Variants in TAF1A observed in about 807,000 individuals in gnomAD.
The protein encoded by TAF1A is TATA-box binding protein associated factor, RNA polymerase I subunit A, also known as TATA box-binding protein-associated factor RNA polymerase I subunit A.
A neutral mutation model predicts 61.6 loss-of-function variants in TAF1A; 42 were observed. The observed-to-expected ratio is 0.68, with a 90% CI of 0.53 to 0.88. The LOEUF is 0.88. Ranked by LOEUF, TAF1A falls within the 40% of genes least tolerant of loss-of-function variation. The probability of loss-of-function intolerance (pLI) is 0.00; values close to 1 mark genes in which losing one functional copy is unlikely to be tolerated. For missense variants in TAF1A, 424 were observed against 518.7 expected (o/e 0.82, Z 1.77); for synonymous variants, 179 against 177.7 (o/e 1.01, Z -0.06).
At chr1:222,563,918 A>G (rs1264029845) in intron 8 of TAF1A, 141 bp downstream of exon 8, 2 of 616,336 alleles carry the variant, frequency 3.2e-6, no homozygotes, top group East Asian at 6.2e-5. Flanking sequence ...GCCGCAGACA[A>G]TACAGAAACA....
At chr1:222,571,491 C>A (rs79922876) in intron 5 of TAF1A, among the ~76,000 whole-genome samples, 6 of 151,824 alleles carry the variant, frequency 4.0e-5, no homozygotes, top group Non-Finnish European at 2.9e-5. Context: ...TCCTAAGAAC[C>A]CACTAAAAAT....
intron 4 of TAF1A, among the ~76,000 whole-genome samples, 155 bp from the exon 5 acceptor site, chr1:222,577,798 GAAGT>G (rs2102667264): frequency 6.6e-6 from 1 of 152,266 alleles, no homozygotes; most frequent in African/African-American, 2.4e-5. Flanking sequence ...ATCTGGCAAA[GAAGT>G]AAGACATAGG....
intron 7 of TAF1A, among the ~76,000 whole-genome samples, chr1:222,568,286 A>G (rs1348608773): frequency 2.6e-5 from 4 of 152,196 alleles, no homozygotes; most frequent in African/African-American, 9.6e-5. Flanking sequence ...ACTGAACATC[A>G]AAACTAGAAG....
chr1:222,562,085 A>G (rs1048389555), intron 9 of TAF1A, among the ~76,000 whole-genome samples: 2 of 152,208 alleles, frequency 1.3e-5, no homozygotes, highest in Non-Finnish European at 2.9e-5. Context: ...TTATTATACA[A>G]ATACATTAAG....
chr1:222,583,695 G>A lies in TAF1A; in HGVS notation c.291+433C>T, dbSNP rs185531335. On this transcript the variant is annotated intron_variant, in intron 3 of 10. Coordinates refer to ENST00000352967, the MANE Select transcript of TAF1A (RefSeq NM_005681.4). ...TCTACCAAAATACAAAAAATTAGCC[G>A]GGCGTGGTGGTACATGCCTGTAGTC... is the stretch of plus-strand genomic sequence containing the variant. Among the ~76,000 whole-genome samples the A allele has an allele frequency of 1.2e-4, 18 of 151,966 alleles. No homozygotes were observed. The East Asian group carries it at 1.7e-3, about 15-fold the overall frequency.
chr1:222,568,037 C>T (rs193150967), intron 7 of TAF1A, among the ~76,000 whole-genome samples: 6 of 152,052 alleles, frequency 3.9e-5, no homozygotes, highest in Admixed American at 3.9e-4. Flanking sequence ...TCCAAATGTA[C>T]TAAATGGAGA....
chr1:222,588,673 G>A, intron 1 of TAF1A, 108 bp from the exon 2 acceptor site: 1 of 1,203,046 alleles, frequency 8.3e-7, no homozygotes. Flanking sequence ...AATTTGATTA[G>A]CAAAATGCAT....
intron 10 of TAF1A, among the ~76,000 whole-genome samples, chr1:222,560,764 T>A (rs1659880939): frequency 6.6e-6 from 1 of 152,234 alleles, no homozygotes; most frequent in Non-Finnish European, 1.5e-5. Flanking sequence ...TTTTCTTCAT[T>A]TCTGGACATA....
chr1:222,578,372 G>T (rs1310239239), intron 4 of TAF1A, among the ~76,000 whole-genome samples: 1 of 152,104 alleles, frequency 6.6e-6, no homozygotes, highest in African/African-American at 2.4e-5. Context: ...GGCTACCAAA[G>T]AAATTTCATC....
At chr1:222,576,124 T>C (rs2133184) in intron 5 of TAF1A, among the ~76,000 whole-genome samples, 5,910 of 152,222 alleles carry the variant, frequency 0.039, 365 homozygotes, top group African/African-American at 0.13. Context: ...AAGAGATGAA[T>C]AGCCAAATGA....
chr1:222,582,180 C>A (rs1199301110), intron 3 of TAF1A, among the ~76,000 whole-genome samples: 2 of 152,164 alleles, frequency 1.3e-5, no homozygotes, highest in Admixed American at 6.5e-5. Context: ...GAATGCTCCA[C>A]CTGTTTCAGG....
intron 6 of TAF1A, among the ~76,000 whole-genome samples, 199 bp from the exon 7 acceptor site, chr1:222,569,867 G>A (rs1184155156): frequency 2.6e-5 from 4 of 152,054 alleles, no homozygotes; most frequent in Non-Finnish European, 5.9e-5. Context: ...TAAAAAATAA[G>A]AGTCCTCAAA....
At position 222,584,413 on chromosome 1, in the gene TAF1A, G is replaced by C. The variant is rs1023583050; in HGVS notation, c.122-116C>G. On this transcript the variant is annotated intron_variant, in intron 2 of 10. Transcript: ENST00000352967. The stretch of plus-strand genomic sequence containing the variant: ...TAAACAGTAGGCATTACTTGACCCA[G>C]CCCATTCCCAGTACCAAAGCCAGCT... 31 of 883,248 alleles carry C rather than the reference G, an allele frequency of 3.5e-5. No homozygotes were observed. In the African/African-American group the frequency reaches 5.0e-4, roughly 14 times the overall value. 54.7% of individuals were successfully genotyped at this position (883,248 alleles called of 1,614,324 possible).
intron 5 of TAF1A, among the ~76,000 whole-genome samples, chr1:222,573,690 A>G (rs542261715): frequency 6.6e-6 from 1 of 152,348 alleles, no homozygotes; most frequent in East Asian, 1.9e-4. Context: ...AAAACAGTCC[A>G]GTGGTTCTTA....
At chr1:222,564,819 A>G (rs1304187226) in intron 7 of TAF1A, among the ~76,000 whole-genome samples, 1 of 152,224 alleles carries the variant, frequency 6.6e-6, no homozygotes, top group Admixed American at 6.5e-5. Flanking sequence ...AATAATTTCC[A>G]ACAAAATTAA....
At chr1:222,577,400 C>G in intron 5 of TAF1A, 45 bp downstream of exon 5, 4 of 1,487,866 alleles carry the variant, frequency 2.7e-6, no homozygotes, top group Non-Finnish European at 3.7e-6. Context: ...GATCCCTCTG[C>G]CCCTCAGTCT....
intron 3 of TAF1A, among the ~76,000 whole-genome samples, chr1:222,582,570 A>G (rs999273878): frequency 9.2e-5 from 14 of 152,158 alleles, no homozygotes; most frequent in Admixed American, 9.2e-4. Context: ...GTGTTACCAT[A>G]TGACCAGCAA....
At chr1:222,555,480 G>A (rs952187271), downstream of TAF1A, among the ~76,000 whole-genome samples, 43 of 152,292 alleles carry the variant, frequency 2.8e-4, no homozygotes, top group South Asian at 1.0e-3. Flanking sequence ...AATACTGCAC[G>A]ATCATCTCAC....
At position 222,589,836 on chromosome 1, in the gene TAF1A, G is replaced by C; in HGVS notation, c.-112C>G. 2.6e-6 allele frequency: 1 copy of C among 384,322 alleles called. No homozygotes were observed. 23.8% of individuals were successfully genotyped at this position (384,322 alleles called of 1,614,324 possible). A position where few individuals can be genotyped will look rare whatever the true frequency, so the allele number is the denominator to read the frequency against. On this transcript the variant is annotated 5_prime_UTR_variant, in exon 1 of 11. Coordinates refer to ENST00000352967, the MANE Select transcript of TAF1A (RefSeq NM_005681.4). The stretch of plus-strand genomic sequence containing the variant: ...TTAGGAGAGCTTTATATGAGCAGGC[G>C]CTAAACCTGGTTTAGGTATTTAGGC...
Sources: allele counts gnomAD v4.1 joint callset (sites outside exome capture counted in the v4.1 genomes callset), GRCh38; gene constraint gnomAD v4.1.1; transcripts MANE v1.5; gene names NCBI Gene and HGNC (gene_info 2026-07-23, HGNC 2026-07-21).